CRY1: variants seen among roughly 807,000 people sequenced by gnomAD.
CRY1 encodes cryptochrome circadian regulator 1.
Under a neutral mutation model 76.0 loss-of-function variants are expected in CRY1, and 45 were observed. That is an observed-to-expected ratio of 0.59 (90% CI 0.47 to 0.76). The LOEUF (loss-of-function observed/expected upper bound fraction) is 0.76. CRY1 is among the 30% of genes least tolerant of loss of function. CRY1 has a pLI of 0.00. For synonymous variants in CRY1, 248 were observed against 244.0 expected (o/e 1.02, Z -0.15); for missense variants, 587 against 716.4 (o/e 0.82, Z 2.06).
chr12:107,029,936 G>C (rs1378285945), intron 1 of CRY1, among the ~76,000 whole-genome samples: 5 of 152,104 alleles, frequency 3.3e-5, no homozygotes, highest in African/African-American at 1.2e-4. Context: ...TTTTGATATG[G>C]GGAGCGGCTT....
At chr12:107,007,815 C>T (rs1952392706) in intron 2 of CRY1, among the ~76,000 whole-genome samples, 1 of 152,162 alleles carries the variant, frequency 6.6e-6, no homozygotes, top group South Asian at 2.1e-4. Flanking sequence ...CAGACGAGAG[C>T]CAATGTGCCT....
At chr12:107,090,817 C>T (rs1953461115) in intron 1 of CRY1, among the ~76,000 whole-genome samples, 1 of 152,166 alleles carries the variant, frequency 6.6e-6, no homozygotes, top group Non-Finnish European at 1.5e-5. Context: ...TGCCTATTTG[C>T]TATCTCCATT....
At chr12:107,061,167 A>G (rs1186912487) in intron 1 of CRY1, among the ~76,000 whole-genome samples, 1 of 152,146 alleles carries the variant, frequency 6.6e-6, no homozygotes, top group East Asian at 1.9e-4. Context: ...AATAGAAAAT[A>G]TATTAAAATG....
At chr12:106,995,901 T>C (rs1275409498) in intron 10 of CRY1, among the ~76,000 whole-genome samples, 1 of 152,188 alleles carries the variant, frequency 6.6e-6, no homozygotes, top group Non-Finnish European at 1.5e-5. Context: ...TGGAGTGCAA[T>C]GGCGCGATCT....
chr12:107,005,046 A>T, intron 3 of CRY1, 60 bp downstream of exon 3: 1 of 1,511,168 alleles, frequency 6.6e-7, no homozygotes, highest in Non-Finnish European at 9.0e-7. Context: ...AAAAATGGTT[A>T]AGATGGTAAA....
intron 1 of CRY1, among the ~76,000 whole-genome samples, chr12:107,085,702 C>CTAA (rs1371395047): frequency 5.3e-5 from 8 of 152,030 alleles, no homozygotes; most frequent in Non-Finnish European, 1.0e-4. Context: ...GGACAAATAC[C>CTAA]TAATGCATGT....
chr12:107,005,302 T>C (rs1952360599), intron 2 of CRY1, 54 bp from the exon 3 acceptor site: 2 of 1,518,844 alleles, frequency 1.3e-6, no homozygotes, highest in South Asian at 1.3e-5. Flanking sequence ...TTATTTTTTC[T>C]ATTATAACGA....
In CRY1 at chr12:107,020,448, C is replaced by A. The variant is rs185121143; in HGVS notation, c.267+1636G>T. Among the ~76,000 whole-genome samples, 96 of 152,164 alleles carry A rather than the reference C, an allele frequency of 6.3e-4. 1 individual carries two copies. The highest frequency in any genetic ancestry group is 2.2e-3 in the African/African-American group (92 of 41,530). On this transcript the variant is annotated intron_variant, in intron 2 of 12. Coordinates refer to ENST00000008527, the MANE Select transcript of CRY1 (RefSeq NM_004075.5). ...ATAATCGCCAATGTTGGAAGTGGAGCCTGGTGGGAGGTGATTGGATCATGG... is the reference window on the plus strand; with the variant it reads ...ATAATCGCCAATGTTGGAAGTGGAGACTGGTGGGAGGTGATTGGATCATGG...
chr12:107,070,033 G>T (rs1018098436), intron 1 of CRY1, among the ~76,000 whole-genome samples: 1 of 152,074 alleles, frequency 6.6e-6, no homozygotes, highest in African/African-American at 2.4e-5. Flanking sequence ...ATTGTTAGTG[G>T]GAATATAGAC....
At chr12:107,020,681 C>T (rs12099522) in intron 2 of CRY1, among the ~76,000 whole-genome samples, 4,069 of 152,178 alleles carry the variant, frequency 0.027, 67 homozygotes, top group African/African-American at 0.053. Flanking sequence ...AGCCACTATG[C>T]TTCCTGTACA....
intron 2 of CRY1, 141 bp from the exon 3 acceptor site, chr12:107,005,389 C>T (rs1566243917): frequency 2.4e-6 from 2 of 820,844 alleles, no homozygotes; most frequent in East Asian, 2.7e-5. Context: ...AAAAAGTAAA[C>T]AATTTATCAA....
At chr12:107,069,698 T>C (rs1030447303) in intron 1 of CRY1, among the ~76,000 whole-genome samples, 1 of 144,096 alleles carries the variant, frequency 6.9e-6, no homozygotes, top group African/African-American at 2.5e-5. Context: ...ATATAAAGTG[T>C]ATATATAGTG....
At chr12:107,056,252 AT>A (rs1411171259) in intron 1 of CRY1, among the ~76,000 whole-genome samples, 1 of 152,230 alleles carries the variant, frequency 6.6e-6, no homozygotes, top group Admixed American at 6.5e-5. Context: ...CAGAAACAAA[AT>A]CCTCCTCCAC....
intron 1 of CRY1, among the ~76,000 whole-genome samples, chr12:107,089,411 T>C (rs1336101219): frequency 1.3e-5 from 2 of 152,140 alleles, no homozygotes; most frequent in Non-Finnish European, 2.9e-5. Context: ...CATAGCTCAT[T>C]GCAGCTTCCA....
intron 1 of CRY1, among the ~76,000 whole-genome samples, chr12:107,062,222 G>A (rs1953057338): frequency 6.6e-6 from 1 of 151,830 alleles, no homozygotes; most frequent in Non-Finnish European, 1.5e-5. Context: ...ACTTACATGA[G>A]CACCTTTTGT....
intron 2 of CRY1, among the ~76,000 whole-genome samples, chr12:107,014,112 G>A (rs575937390): frequency 1.4e-4 from 21 of 151,544 alleles, no homozygotes; most frequent in African/African-American, 4.1e-4. Flanking sequence ...TGGATGGAGC[G>A]TGCTGCCACA....
chr12:107,022,202 A>C lies in CRY1; in HGVS notation c.159-10T>G. 1 of 1,432,704 alleles carries C rather than the reference A, an allele frequency of 7.0e-7. No homozygotes were observed. Among genetic ancestry groups the C allele is most frequent in the African/African-American group, 1.4e-5 (1 of 70,278 alleles). The allele number at this position is 1,432,704 out of a possible 1,614,324, so 88.7% of individuals were successfully genotyped here. A position where few individuals can be genotyped will look rare whatever the true frequency, so the allele number is the denominator to read the frequency against. ...ACACTGAAGCAAAAATCTAGAGAGA[A>C]GAAAGTATTATTTAAATTATTAAAA... On this transcript the variant is annotated splice_polypyrimidine_tract_variant and intron_variant, in intron 1 of 12. Coordinates refer to ENST00000008527, the MANE Select transcript of CRY1 (RefSeq NM_004075.5).
chr12:107,040,139 T>C (rs1952780819), intron 1 of CRY1, among the ~76,000 whole-genome samples: 1 of 152,120 alleles, frequency 6.6e-6, no homozygotes, highest in African/African-American at 2.4e-5. Context: ...ATGAGGTATA[T>C]AAACTGGTCA....
intron 1 of CRY1, among the ~76,000 whole-genome samples, chr12:107,077,329 C>T (rs995023416): frequency 6.6e-6 from 1 of 152,178 alleles, no homozygotes; most frequent in Admixed American, 6.5e-5. Flanking sequence ...GTGAAAGTTT[C>T]CTTACAGGCA....
Sources: allele counts gnomAD v4.1 joint callset (sites outside exome capture counted in the v4.1 genomes callset), GRCh38; gene constraint gnomAD v4.1.1; transcripts MANE v1.5; gene names NCBI Gene and HGNC (gene_info 2026-07-23, HGNC 2026-07-21).